The following GRK4 variants were observed in gnomAD, a reference collection of about 807,000 sequenced individuals.
GRK4 encodes G protein-coupled receptor kinase 2-like.
In GRK4, 73 loss-of-function variants were observed where a neutral mutation model predicts 77.9. The observed-to-expected ratio is 0.94, with a 90% CI of 0.78 to 1.14. The LOEUF is 1.14. Among genes scored for constraint, GRK4 ranks in the 50% most tolerant of loss-of-function variants. GRK4 has a pLI of 0.00. For synonymous variants in GRK4, 257 were observed against 254.4 expected, an observed-to-expected ratio of 1.01 and a Z score of -0.10; for missense variants, 729 against 700.2, an observed-to-expected ratio of 1.04 and a Z score of -0.46.
rs1430570322 is a variant in GRK4 at position 3,009,722 on chromosome 4, G to A, written c.600+11G>A. On this transcript the variant is annotated intron_variant, in intron 7 of 15. Transcript: ENST00000398052. ...GGCGGATTTGGAGAGGTGAGTAACG[G>A]GAGCCAGTTCATAGCAGCGCTGCTA... The A allele has an allele frequency of 6.2e-7, 1 of 1,609,814 alleles. No homozygotes were observed. The highest frequency in any genetic ancestry group is 8.5e-7 in the Non-Finnish European group (1 of 1,176,244).
intron 10 of GRK4, among the ~76,000 whole-genome samples, 179 bp downstream of exon 10, chr4:3,022,630 C>T (rs1372381528): frequency 1.3e-5 from 2 of 152,106 alleles, no homozygotes; most frequent in African/African-American, 4.8e-5. Flanking sequence ...TTTGGTCATT[C>T]CCCTGTGTTT....
intron 2 of GRK4, among the ~76,000 whole-genome samples, chr4:2,987,463 G>A (rs941317960): frequency 6.6e-6 from 1 of 152,182 alleles, no homozygotes; most frequent in Non-Finnish European, 1.5e-5. Context: ...TGTTTGAAAT[G>A]TACAGTTCGG....
intron 12 of GRK4, among the ~76,000 whole-genome samples, chr4:3,030,093 G>A (rs920767739): frequency 2.0e-5 from 3 of 152,162 alleles, no homozygotes; most frequent in Admixed American, 6.5e-5. Flanking sequence ...GGTGGGTAAG[G>A]GTTTAGCCAC....
At chr4:3,024,325 G>T (rs1208587762) in intron 10 of GRK4, among the ~76,000 whole-genome samples, 3 of 152,082 alleles carry the variant, frequency 2.0e-5, no homozygotes, top group Non-Finnish European at 4.4e-5. Flanking sequence ...TCACAGGTGC[G>T]ATTGTGGCAC....
At position 3,019,741 on chromosome 4, in the gene GRK4, A is replaced by T; in HGVS notation, c.842A>T (p.Asn281Ile). 1.9e-6 allele frequency: 3 copies of T among 1,614,228 alleles called. No homozygotes were observed. Among genetic ancestry groups the T allele is most frequent in the Non-Finnish European group, 2.5e-6 (3 of 1,180,046 alleles). ...AAGTTTCACATTTACAACCTGGGCA[A>T]TCCCGGCTTTGATGAGCAGAGAGCC... The part of the protein sequence containing the change: ...DLKFHIYNLG[N>I]PGFDEQRAVF... Residue 281 changes from asparagine (N) to isoleucine (I), a missense_variant, in exon 9 of 16, where the codon AAT (asparagine) becomes ATT (isoleucine). Coordinates refer to ENST00000398052, the MANE Select transcript of GRK4 (RefSeq NM_182982.3).
intron 1 of GRK4, among the ~76,000 whole-genome samples, chr4:2,971,702 G>A (rs1719592358): frequency 6.6e-6 from 1 of 152,226 alleles, no homozygotes; most frequent in African/African-American, 2.4e-5. Context: ...GGAGGCCGGA[G>A]TGCAAAATCA....
At chr4:3,040,350 A>T (rs1416689223) in intron 15 of GRK4, among the ~76,000 whole-genome samples, 1 of 152,104 alleles carries the variant, frequency 6.6e-6, no homozygotes, top group Admixed American at 6.6e-5. Flanking sequence ...CTGAGGAAGG[A>T]GAATTGCTTG....
At chr4:3,019,588 C>A in intron 8 of GRK4, 53 bp from the exon 9 acceptor site, 1 of 1,390,254 alleles carries the variant, frequency 7.2e-7, no homozygotes, top group Non-Finnish European at 1.0e-6. Flanking sequence ...TAGAGGAAAT[C>A]ACCAATGAAA....
chr4:2,982,964 G>C (rs560104606), intron 1 of GRK4, among the ~76,000 whole-genome samples: 1 of 152,344 alleles, frequency 6.6e-6, no homozygotes, highest in East Asian at 1.9e-4. Flanking sequence ...CTGGATTTGA[G>C]GGGGAAGATT....
chr4:2,964,440 G>C (rs1250388168), intron 1 of GRK4, among the ~76,000 whole-genome samples: 1 of 152,048 alleles, frequency 6.6e-6, no homozygotes, highest in Non-Finnish European at 1.5e-5. Flanking sequence ...GTTGCTTCAG[G>C]ATGCGGCAGG....
chr4:2,985,887 T>G (rs910989723), intron 2 of GRK4: 2 of 157,164 alleles, frequency 1.3e-5, no homozygotes, highest in African/African-American at 5.0e-5. Context: ...TAGTCCCAGC[T>G]ACTTGGGAAG....
chr4:3,040,305 G>A (rs2110111839), intron 15 of GRK4, among the ~76,000 whole-genome samples: 1 of 152,202 alleles, frequency 6.6e-6, no homozygotes, highest in South Asian at 2.1e-4. Flanking sequence ...GCAGGGTGTG[G>A]TGGCGTGTGG....
In GRK4 at chr4:3,032,917, T is replaced by C. The variant is rs1289499445; in HGVS notation, c.1270-2469T>C. Among the ~76,000 whole-genome samples the C allele has an allele frequency of 2.6e-5, 4 of 152,348 alleles. No homozygotes were observed. In the East Asian group the frequency reaches 7.7e-4, roughly 29 times the overall value. ...TGGACCAAGCCCCTCTCCTCTGCTC[T>C]GTGCTGCCTGGTCAGGCCATCTGTC... On this transcript the variant is annotated intron_variant, in intron 12 of 15. Coordinates refer to ENST00000398052, the MANE Select transcript of GRK4 (RefSeq NM_182982.3).
chr4:3,036,060 A>G (rs1740542342), intron 13 of GRK4, among the ~76,000 whole-genome samples: 1 of 152,060 alleles, frequency 6.6e-6, no homozygotes, highest in Non-Finnish European at 1.5e-5. Flanking sequence ...GCCCCAAGTG[A>G]TCCTCCTGCC....
At chr4:3,027,180 T>TA (rs1314191856) in intron 10 of GRK4, among the ~76,000 whole-genome samples, 1 of 152,222 alleles carries the variant, frequency 6.6e-6, no homozygotes, top group African/African-American at 2.4e-5. Context: ...GCTGGGACCA[T>TA]AGCCATGTGC....
At chr4:2,996,787 GC>G (rs1728067859) in intron 4 of GRK4, among the ~76,000 whole-genome samples, 1 of 151,626 alleles carries the variant, frequency 6.6e-6, no homozygotes, top group Admixed American at 6.6e-5. Context: ...CCACCTGATG[GC>G]CCTGCTCTTG....
intron 1 of GRK4, among the ~76,000 whole-genome samples, chr4:2,974,709 T>C (rs1418674377): frequency 6.6e-6 from 1 of 152,216 alleles, no homozygotes; most frequent in Admixed American, 6.5e-5. Context: ...GGGGAAACAG[T>C]TGGTGTTCTG....
intron 11 of GRK4, among the ~76,000 whole-genome samples, chr4:3,028,333 A>G (rs938092692): frequency 1.3e-5 from 2 of 152,212 alleles, no homozygotes; most frequent in Non-Finnish European, 2.9e-5. Flanking sequence ...TCGGAGCCTC[A>G]GGAAATCACC....
chr4:3,013,392 A>C (rs990644536), intron 7 of GRK4, among the ~76,000 whole-genome samples: 4 of 152,144 alleles, frequency 2.6e-5, no homozygotes, highest in African/African-American at 9.7e-5. Flanking sequence ...AAACTTTTGC[A>C]CTTTTACAAA....
Sources: allele counts gnomAD v4.1 joint callset (sites outside exome capture counted in the v4.1 genomes callset), GRCh38; gene constraint gnomAD v4.1.1; transcripts MANE v1.5; gene names NCBI Gene and HGNC (gene_info 2026-07-23, HGNC 2026-07-21).